The following GBF1 variants were observed in gnomAD, a reference collection of about 807,000 sequenced individuals.
GBF1 encodes golgi brefeldin A resistant guanine nucleotide exchange factor 1, also known as Golgi-specific brefeldin A-resistance guanine nucleotide exchange factor 1.
A neutral mutation model predicts 210.5 loss-of-function variants in GBF1; 114 were observed. The observed-to-expected ratio is 0.54, with a 90% confidence interval of 0.47 to 0.63. GBF1 has a LOEUF of 0.63. Among genes scored for constraint, GBF1 ranks in the 30% least tolerant of loss-of-function variants. The probability of loss-of-function intolerance (pLI) is 0.00; values close to 1 mark genes in which losing one functional copy is unlikely to be tolerated. For missense variants in GBF1, 1,851 were observed against 2,357.7 expected (o/e 0.79, Z 4.45); for synonymous variants, 850 against 889.2 (o/e 0.96, Z 0.78).
At chr10:102,335,125 T>G (rs1393438991) in intron 3 of GBF1, among the ~76,000 whole-genome samples, 1 of 152,100 alleles carries the variant, frequency 6.6e-6, no homozygotes, top group Non-Finnish European at 1.5e-5. Flanking sequence ...TAATAATTCT[T>G]GTTGTAATTT....
intron 4 of GBF1, among the ~76,000 whole-genome samples, chr10:102,349,308 G>A (rs1191655986): frequency 6.6e-6 from 1 of 152,150 alleles, no homozygotes; most frequent in African/African-American, 2.4e-5. Context: ...CAAGGTGGGT[G>A]AATCACCTGA....
rs772906345 is a variant in GBF1 at position 102,351,887 on chromosome 10, C to T, written c.459C>T (p.Thr153=). The change falls in exon 6 of 40, where the codon ACC becomes ACT. Residue 153 remains threonine (T), a synonymous_variant. Coordinates refer to ENST00000369983, the MANE Select transcript of GBF1 (RefSeq NM_001377137.1). ...TAACCCCAGTGGGTGCCCACCTAAC[C>T]AATGAATCTGTGTGTGAGATTATGC... ...LLLTPVGAHL[T]NESVCEIMQS... The T allele has an allele frequency of 1.2e-6, 2 of 1,611,996 alleles. No homozygotes were observed. Among genetic ancestry groups the T allele is most frequent in the East Asian group, 4.5e-5 (2 of 44,870 alleles).
At chr10:102,322,718 C>CAAAAAA (rs61470777) in intron 3 of GBF1, among the ~76,000 whole-genome samples, 1 of 80,480 alleles carries the variant, frequency 1.2e-5, no homozygotes, top group Non-Finnish European at 2.2e-5. Flanking sequence ...CTCATCTCTA[C>CAAAAAA]AAAAAAAAAA....
At chr10:102,358,410 T>G (rs765149085) in intron 9 of GBF1, 96 bp from the exon 10 acceptor site, 30 of 888,786 alleles carry the variant, frequency 3.4e-5, no homozygotes, top group Non-Finnish European at 5.4e-5. Context: ...AAGATAAGCA[T>G]GTAATCTGGG....
At chr10:102,327,031 G>A (rs1440666780) in intron 3 of GBF1, among the ~76,000 whole-genome samples, 1 of 152,124 alleles carries the variant, frequency 6.6e-6, no homozygotes, top group Non-Finnish European at 1.5e-5. Context: ...AATGTACCAC[G>A]TCACAGCATA....
chr10:102,256,924 G>A (rs1227665563), intron 1 of GBF1, among the ~76,000 whole-genome samples: 1 of 152,312 alleles, frequency 6.6e-6, no homozygotes, highest in East Asian at 1.9e-4. Context: ...TGAAGTCCCT[G>A]CTACTCAGGA....
intron 3 of GBF1, among the ~76,000 whole-genome samples, chr10:102,262,626 G>A (rs777766990): frequency 1.6e-4 from 24 of 152,180 alleles, no homozygotes; most frequent in Non-Finnish European, 3.1e-4. Context: ...AGGAGCTGAG[G>A]TGGTGCTGCT....
intron 3 of GBF1, among the ~76,000 whole-genome samples, chr10:102,317,012 G>A (rs2078989981): frequency 6.6e-6 from 1 of 152,192 alleles, no homozygotes; most frequent in Non-Finnish European, 1.5e-5. Context: ...CAACAAAGCA[G>A]TGCTCATATT....
intron 3 of GBF1, among the ~76,000 whole-genome samples, chr10:102,274,699 A>ATTT (rs1174743189): frequency 0.11 from 7,765 of 71,690 alleles, 1,204 homozygotes; most frequent in South Asian, 0.15. Context: ...CAAAACAAAG[A>ATTT]TTTTTTTTTT....
chr10:102,360,896 A>C (rs962737147), intron 12 of GBF1, 126 bp from the exon 13 acceptor site: 3 of 662,810 alleles, frequency 4.5e-6, no homozygotes, highest in South Asian at 1.7e-5. Context: ...AATATCTTAA[A>C]CCCAGGAGGC....
chr10:102,305,811 CT>C (rs2077809934), intron 3 of GBF1, among the ~76,000 whole-genome samples: 1 of 152,166 alleles, frequency 6.6e-6, no homozygotes, highest in Non-Finnish European at 1.5e-5. Flanking sequence ...TATTGAATAT[CT>C]TTTGTATGCC....
upstream of GBF1, among the ~76,000 whole-genome samples, chr10:102,243,049 C>G (rs1034939988): frequency 6.6e-6 from 1 of 152,126 alleles, no homozygotes; most frequent in East Asian, 1.9e-4. Flanking sequence ...GGTCAAGCTC[C>G]CTAGCCTGGC....
chr10:102,233,235 C>T, the GBF1 span, among the ~76,000 whole-genome samples: 1 of 151,224 alleles, frequency 6.6e-6, no homozygotes. Context: ...TTGCTTGGGT[C>T]GGCTTCAGCT....
At chr10:102,239,911 C>T in the GBF1 span, among the ~76,000 whole-genome samples, 1 of 152,216 alleles carries the variant, frequency 6.6e-6, no homozygotes, top group African/African-American at 2.4e-5. Flanking sequence ...CCTTCCCAAC[C>T]AGACTGAGAG....
chr10:102,295,691 A>G (rs557581714), intron 3 of GBF1, among the ~76,000 whole-genome samples: 2 of 152,340 alleles, frequency 1.3e-5, no homozygotes, highest in East Asian at 3.9e-4. Flanking sequence ...TTACATTTAT[A>G]TAATTTTGAA....
Position 102,370,010 on chromosome 10 carries a change from G to A in GBF1, c.3339+26G>A, listed in dbSNP as rs565376447. The A allele has an allele frequency of 3.5e-5, 57 of 1,613,354 alleles. No homozygotes were observed. The Middle Eastern group carries it at 5.0e-4, about 14-fold the overall frequency. On this transcript the variant is annotated intron_variant, in intron 26 of 39. Transcript: ENST00000369983. ...GTAACTGCCCATCCACCCCTGGTGA[G>A]AAAGCCTAAACACCTTCCTATTAGA...
In GBF1 at chr10:102,376,352, G is replaced by A; in HGVS notation, c.3967G>A (p.Val1323Ile). The A allele has an allele frequency of 1.2e-6, 2 of 1,613,544 alleles. No homozygotes were observed. The highest frequency in any genetic ancestry group is 8.5e-7 in the Non-Finnish European group (1 of 1,179,774). The change falls in exon 31 of 40, where the codon GTC (valine) becomes ATC (isoleucine). Residue 1323 changes from valine (V) to isoleucine (I), a missense_variant. Physicochemically the swap from Val to Ile is conservative, Grantham distance 29. Around this residue, in one of 3 missense-constraint regions of GBF1, gnomAD observed 967 missense variants for 1,247.7 expected, o/e 0.78. Coordinates refer to ENST00000369983, the MANE Select transcript of GBF1 (RefSeq NM_001377137.1). ...LDRGYTSDSE[V>I]YTDHGRPGKI... ...TCGAGGGTACACTTCCGACTCAGAGGTCTACACTGACCATGGCAGGCCGGG... is the reference window on the plus strand; with the variant it reads ...TCGAGGGTACACTTCCGACTCAGAGATCTACACTGACCATGGCAGGCCGGG...
intron 3 of GBF1, among the ~76,000 whole-genome samples, chr10:102,327,420 GAAAC>G (rs1187725421): frequency 6.6e-6 from 1 of 152,164 alleles, no homozygotes; most frequent in Non-Finnish European, 1.5e-5. Flanking sequence ...TTAGTCAAGA[GAAAC>G]AAACACATTT....
At chr10:102,237,930 A>G in the GBF1 span, among the ~76,000 whole-genome samples, 7 of 151,768 alleles carry the variant, frequency 4.6e-5, no homozygotes, top group African/African-American at 1.7e-4. Flanking sequence ...AGTAGGGGTC[A>G]CTGGAGGCTT....
Sources: allele counts gnomAD v4.1 joint callset (sites outside exome capture counted in the v4.1 genomes callset), GRCh38; gene constraint gnomAD v4.1.1; regional missense constraint gnomAD v4.1.1; transcripts MANE v1.5; gene names NCBI Gene and HGNC (gene_info 2026-07-23, HGNC 2026-07-21).